The following PPARGC1A variants were observed in gnomAD, a reference collection of about 807,000 sequenced individuals.
PPARGC1A encodes peroxisome proliferator-activated receptor gamma coactivator 1-alpha.
PPARGC1A carries 25 observed loss-of-function variants against 88.7 expected under a neutral mutation model. The ratio of observed to expected loss-of-function variants is 0.28; its 90% CI spans 0.21 to 0.39. The LOEUF (loss-of-function observed/expected upper bound fraction) is 0.39, where lower values mean the gene tolerates loss of function less well. Among genes scored for constraint, PPARGC1A ranks in the 10% least tolerant of loss-of-function variants. The pLI is 1.00. For missense variants in PPARGC1A, 880 were observed against 968.7 expected, an observed-to-expected ratio of 0.91 and a Z score of 1.22; for synonymous variants, 363 against 355.6, an observed-to-expected ratio of 1.02 and a Z score of -0.24.
chr4:24,306,528 C>T, the PPARGC1A span, among the ~76,000 whole-genome samples: 3 of 152,056 alleles, frequency 2.0e-5, no homozygotes, highest in Non-Finnish European at 4.4e-5. Context: ...CATAGTAGTA[C>T]CTTATCTGCA....
chr4:23,999,748 G>A, the PPARGC1A span, among the ~76,000 whole-genome samples: 1 of 152,114 alleles, frequency 6.6e-6, no homozygotes, highest in Non-Finnish European at 1.5e-5. Flanking sequence ...TCTTTTCCTG[G>A]GACCTCCTTG....
chr4:23,816,691 C>A (rs2109502490), intron 7 of PPARGC1A, among the ~76,000 whole-genome samples: 1 of 152,284 alleles, frequency 6.6e-6, no homozygotes, highest in Non-Finnish European at 1.5e-5. Context: ...CATTCAACAT[C>A]CTCATATCCA....
chr4:24,126,211 C>G, the PPARGC1A span, among the ~76,000 whole-genome samples: 358 of 151,976 alleles, frequency 2.4e-3, 2 homozygotes, highest in African/African-American at 8.2e-3. Flanking sequence ...AATTTCTCCC[C>G]ACCTTGGTGA....
At chr4:23,957,237 C>G in the PPARGC1A span, among the ~76,000 whole-genome samples, 2,097 of 152,198 alleles carry the variant, frequency 0.014, 48 homozygotes, top group African/African-American at 0.047. Flanking sequence ...CATGTCACTT[C>G]CTCTGAGAGT....
chr4:24,152,497 G>C, the PPARGC1A span, among the ~76,000 whole-genome samples: 1 of 152,264 alleles, frequency 6.6e-6, no homozygotes, highest in East Asian at 1.9e-4. Flanking sequence ...ACACAGAGGA[G>C]GCAGAGATTG....
chr4:23,900,892 A>C (rs1337758495), upstream of PPARGC1A, among the ~76,000 whole-genome samples: 1 of 152,228 alleles, frequency 6.6e-6, no homozygotes, highest in East Asian at 1.9e-4. Context: ...CCACAAAGTT[A>C]TTTGAGCCAA....
chr4:24,161,217 C>T, the PPARGC1A span, among the ~76,000 whole-genome samples: 4 of 152,140 alleles, frequency 2.6e-5, no homozygotes, highest in Admixed American at 6.5e-5. Context: ...CTAAAACACT[C>T]GAATCTCAAT....
the PPARGC1A span, among the ~76,000 whole-genome samples, chr4:24,075,984 A>G: frequency 6.6e-6 from 1 of 152,144 alleles, no homozygotes; most frequent in South Asian, 2.1e-4. Flanking sequence ...TTCTCTGCAT[A>G]TCTCCGTGTT....
the PPARGC1A span, among the ~76,000 whole-genome samples, chr4:23,934,096 C>T: frequency 2.0e-5 from 3 of 152,096 alleles, no homozygotes; most frequent in African/African-American, 7.2e-5. Context: ...AAAGGAGCAC[C>T]CACAAGAAAG....
At chr4:24,059,121 A>C in the PPARGC1A span, among the ~76,000 whole-genome samples, 1 of 152,326 alleles carries the variant, frequency 6.6e-6, no homozygotes, top group African/African-American at 2.4e-5. Flanking sequence ...ACCAAGCCCC[A>C]CCACTTTAAG....
chr4:24,233,189 A>G, the PPARGC1A span, among the ~76,000 whole-genome samples: 4 of 152,212 alleles, frequency 2.6e-5, no homozygotes, highest in Non-Finnish European at 4.4e-5. Context: ...AAATAAAATG[A>G]GATTTGAGAA....
the PPARGC1A span, among the ~76,000 whole-genome samples, chr4:24,043,692 T>A: frequency 6.6e-6 from 1 of 152,222 alleles, no homozygotes; most frequent in Non-Finnish European, 1.5e-5. Flanking sequence ...ACTATTAGAT[T>A]CATTTTACCT....
chr4:23,925,465 C>A, the PPARGC1A span, among the ~76,000 whole-genome samples: 1 of 152,170 alleles, frequency 6.6e-6, no homozygotes, highest in South Asian at 2.1e-4. Flanking sequence ...AAGGAGCCAT[C>A]AAAGCAAACT....
At chr4:24,200,190 G>C in the PPARGC1A span, among the ~76,000 whole-genome samples, 1 of 152,134 alleles carries the variant, frequency 6.6e-6, no homozygotes, top group Non-Finnish European at 1.5e-5. Context: ...ATGTCAATTT[G>C]AAAACTCACC....
chr4:24,037,739 CCT>C, the PPARGC1A span, among the ~76,000 whole-genome samples: 1 of 152,114 alleles, frequency 6.6e-6, no homozygotes, highest in East Asian at 1.9e-4. Context: ...TCTTGCCAAA[CCT>C]CTTTGTATCC....
At chr4:24,065,633 C>A in the PPARGC1A span, among the ~76,000 whole-genome samples, 10 of 152,134 alleles carry the variant, frequency 6.6e-5, no homozygotes, top group African/African-American at 2.4e-4. Context: ...CCACCCCCAG[C>A]AACAAACACC....
chr4:24,387,934 G>A, the PPARGC1A span, among the ~76,000 whole-genome samples: 651 of 71,404 alleles, frequency 9.1e-3, 35 homozygotes, highest in African/African-American at 0.019. Context: ...AAGAAAGAAA[G>A]AGAAAGAAAG....
the PPARGC1A span, among the ~76,000 whole-genome samples, chr4:24,278,172 A>C: frequency 6.6e-6 from 1 of 152,266 alleles, no homozygotes; most frequent in East Asian, 1.9e-4. Flanking sequence ...GTCTCCAAAA[A>C]AAAATAAAAA....
At chr4:24,119,931 T>C in the PPARGC1A span, among the ~76,000 whole-genome samples, 1 of 152,128 alleles carries the variant, frequency 6.6e-6, no homozygotes, top group African/African-American at 2.4e-5. Context: ...TCATAAATTA[T>C]TTTCTTAAGT....
Sources: allele counts gnomAD v4.1 joint callset (sites outside exome capture counted in the v4.1 genomes callset), GRCh38; gene constraint gnomAD v4.1.1; transcripts MANE v1.5; gene names NCBI Gene and HGNC (gene_info 2026-07-23, HGNC 2026-07-21).